Variants in PLEKHH2 observed in about 807,000 individuals in gnomAD.
The protein encoded by PLEKHH2 is pleckstrin homology, MyTH4 and FERM domain containing H2, also known as pleckstrin homology domain-containing family H member 2.
In PLEKHH2, 129 loss-of-function variants were observed where a neutral mutation model predicts 187.9. The ratio of observed to expected loss-of-function variants is 0.69; its 90% CI spans 0.59 to 0.79. PLEKHH2 has a LOEUF of 0.79. PLEKHH2 is among the 30% of genes least tolerant of loss of function. The probability of loss-of-function intolerance (pLI) is 0.00; values close to 1 mark genes in which losing one functional copy is unlikely to be tolerated. For missense variants in PLEKHH2, 2,076 were observed against 1,751.2 expected (o/e 1.19, Z -3.31); for synonymous variants, 686 against 605.6 (o/e 1.13, Z -1.95).
At chr2:43,694,579 G>A in intron 5 of PLEKHH2, 65 bp downstream of exon 5, 1 of 1,446,680 alleles carries the variant, frequency 6.9e-7, no homozygotes, top group South Asian at 1.4e-5. Flanking sequence ...TACATCATCA[G>A]AATATGTGAT....
intron 2 of PLEKHH2, among the ~76,000 whole-genome samples, chr2:43,660,082 T>C (rs1376289223): frequency 6.6e-6 from 1 of 152,192 alleles, no homozygotes; most frequent in African/African-American, 2.4e-5. Context: ...ATCACTGATA[T>C]AGTTTCTGGA....
intron 21 of PLEKHH2, among the ~76,000 whole-genome samples, chr2:43,741,696 A>G (rs1293092125): frequency 6.6e-6 from 1 of 152,224 alleles, no homozygotes; most frequent in African/African-American, 2.4e-5. Context: ...AGTTCATAAT[A>G]CATTGTGGGG....
chr2:43,682,521 G>A lies in PLEKHH2; in HGVS notation c.186+3596G>A, dbSNP rs111740875. 2.5e-3 allele frequency among the ~76,000 whole-genome samples: 382 copies of A among 152,206 alleles called. 1 individual carries two copies. Among genetic ancestry groups the A allele is most frequent in the African/African-American group, 8.2e-3 (339 of 41,504 alleles). On this transcript the variant is annotated intron_variant, in intron 3 of 29. Coordinates refer to ENST00000282406, the MANE Select transcript of PLEKHH2 (RefSeq NM_172069.4). ...GGGGTTTCACCATGTTGGCCAGGCT[G>A]GTCTCGAACTCCTGACCTTGTGATT...
At chr2:43,666,062 C>A (rs1242393223) in intron 2 of PLEKHH2, among the ~76,000 whole-genome samples, 2 of 149,370 alleles carry the variant, frequency 1.3e-5, no homozygotes, top group Non-Finnish European at 3.0e-5. Context: ...GGCGGGCTCC[C>A]CTCCCCCAGC....
At chr2:43,677,222 A>G (rs1434393506) in intron 2 of PLEKHH2, among the ~76,000 whole-genome samples, 1 of 149,200 alleles carries the variant, frequency 6.7e-6, no homozygotes, top group Non-Finnish European at 1.5e-5. Context: ...TTTTTAATTG[A>G]TCATTCTTGG....
intron 19 of PLEKHH2, among the ~76,000 whole-genome samples, chr2:43,735,272 C>A (rs911480282): frequency 6.6e-6 from 1 of 152,074 alleles, no homozygotes; most frequent in Non-Finnish European, 1.5e-5. Context: ...TCATTTGCAA[C>A]AACATAGATG....
At chr2:43,754,392 G>A (rs566203869) in intron 25 of PLEKHH2, among the ~76,000 whole-genome samples, 2 of 151,098 alleles carry the variant, frequency 1.3e-5, no homozygotes, top group Non-Finnish European at 2.9e-5. Context: ...TCAGTGTTCC[G>A]GGCTTCAGGG....
rs10530805 is a variant in PLEKHH2 at position 43,703,916 on chromosome 2, C to CT, written c.1651-40dup. 1,462 of 387,316 alleles carry CT rather than the reference C, an allele frequency of 3.8e-3. 10 individuals are homozygous for CT. Among genetic ancestry groups the CT allele is most frequent in the African/African-American group, 8.0e-3 (256 of 32,178 alleles). The allele number at this position is 387,316 out of a possible 1,614,324, so 24.0% of individuals were successfully genotyped here. On this transcript the variant is annotated intron_variant, in intron 8 of 29. Coordinates refer to ENST00000282406, the MANE Select transcript of PLEKHH2 (RefSeq NM_172069.4). Reference sequence around the variant, plus strand: ...GAAAAACATGTGTATTGAAAGTAGTCTTTTTTTTTTTTTTTTTTTTTTTTT... The same window carrying CT: ...GAAAAACATGTGTATTGAAAGTAGTCTTTTTTTTTTTTTTTTTTTTTTTTTT...
chr2:43,647,272 C>A (rs577749287), intron 2 of PLEKHH2, among the ~76,000 whole-genome samples: 1 of 152,106 alleles, frequency 6.6e-6, no homozygotes, highest in Non-Finnish European at 1.5e-5. Context: ...TATAACTATC[C>A]TATGAGGTAG....
intron 24 of PLEKHH2, among the ~76,000 whole-genome samples, chr2:43,750,907 A>G (rs1671982831): frequency 6.6e-6 from 1 of 152,170 alleles, no homozygotes; most frequent in Non-Finnish European, 1.5e-5. Flanking sequence ...AGAGGCAGAC[A>G]TGAAGTCTTA....
intron 2 of PLEKHH2, among the ~76,000 whole-genome samples, chr2:43,666,319 G>A (rs1232107725): frequency 6.6e-6 from 1 of 151,256 alleles, no homozygotes; most frequent in African/African-American, 2.5e-5. Flanking sequence ...GCAATGCCTC[G>A]CCCTGCTTCG....
chr2:43,640,824 G>A (rs999434271), intron 1 of PLEKHH2, among the ~76,000 whole-genome samples: 21 of 150,820 alleles, frequency 1.4e-4, no homozygotes, highest in Non-Finnish European at 2.8e-4. Context: ...TCCCTCTGTC[G>A]CCCAGGCTGG....
intron 2 of PLEKHH2, among the ~76,000 whole-genome samples, chr2:43,664,021 G>A (rs1208792683): frequency 1.0e-5 from 1 of 96,372 alleles, no homozygotes; most frequent in African/African-American, 4.3e-5. Context: ...CAATTCCTGG[G>A]TATCCTTGTT....
At chr2:43,678,285 G>A (rs200759937) in intron 2 of PLEKHH2, among the ~76,000 whole-genome samples, 27,387 of 150,604 alleles carry the variant, frequency 0.18, 2,137 homozygotes, top group Middle Eastern at 0.29. Flanking sequence ...AGGCAGAGAC[G>A]CTCCTCACTT....
intron 2 of PLEKHH2, chr2:43,676,412 T>A: frequency 9.3e-7 from 1 of 1,069,608 alleles, no homozygotes; most frequent in Non-Finnish European, 1.3e-6. Flanking sequence ...GCGGCTGCGC[T>A]CCCGGTTGGG....
chr2:43,670,278 A>G (rs960194624), intron 2 of PLEKHH2, among the ~76,000 whole-genome samples: 5 of 152,208 alleles, frequency 3.3e-5, no homozygotes, highest in African/African-American at 1.2e-4. Flanking sequence ...AGGACTTCGT[A>G]TTAAGCAGAA....
At chr2:43,702,219 G>T (rs1480260417) in intron 8 of PLEKHH2, among the ~76,000 whole-genome samples, 1 of 152,224 alleles carries the variant, frequency 6.6e-6, no homozygotes, top group Admixed American at 6.5e-5. Context: ...TGTGACTGAT[G>T]CAGTTTTAAG....
At chr2:43,678,458 G>A (rs943865303) in intron 2 of PLEKHH2, among the ~76,000 whole-genome samples, 4 of 152,196 alleles carry the variant, frequency 2.6e-5, no homozygotes, top group South Asian at 2.1e-4. Context: ...CTGCAATCCC[G>A]GCACCTCAGG....
intron 8 of PLEKHH2, among the ~76,000 whole-genome samples, chr2:43,702,549 T>TTTTC (rs869052107): frequency 4.8e-5 from 7 of 145,246 alleles, no homozygotes; most frequent in Non-Finnish European, 4.5e-5. Flanking sequence ...TTTTTTTTTT[T>TTTTC]CCATTCTGTC....
Sources: allele counts gnomAD v4.1 joint callset (sites outside exome capture counted in the v4.1 genomes callset), GRCh38; gene constraint gnomAD v4.1.1; transcripts MANE v1.5; gene names NCBI Gene and HGNC (gene_info 2026-07-23, HGNC 2026-07-21).